BCOR: variants seen among roughly 807,000 people sequenced by gnomAD.
The protein encoded by BCOR is BCL-6 corepressor.
BCOR carries 10 observed loss-of-function variants against 86.7 expected under a neutral mutation model. The observed-to-expected ratio is 0.12, with a 90% CI of 0.07 to 0.20. BCOR has a LOEUF of 0.20. Among genes scored for constraint, BCOR ranks in the 10% least tolerant of loss-of-function variants. The probability of loss-of-function intolerance (pLI) is 1.00; values close to 1 mark genes in which losing one functional copy is unlikely to be tolerated. For missense variants in BCOR, 1,259 were observed against 1,452.1 expected (o/e 0.87, Z 2.16); for synonymous variants, 611 against 609.0 (o/e 1.00, Z -0.05).
chrX:40,063,096 T>TGGCG, intron 8 of BCOR, 25 bp from the exon 9 acceptor site: 1 of 496,345 alleles, frequency 2.0e-6, no homozygotes, highest in Non-Finnish European at 2.6e-6. Flanking sequence ...GGTGACGGGG[T>TGGCG]GGCGGGCGGA....
At chrX:40,124,417 C>T (rs1210340789) in intron 1 of BCOR, among the ~76,000 whole-genome samples, 1 of 109,612 alleles carries the variant, frequency 9.1e-6, no homozygotes, top group African/African-American at 3.3e-5. Flanking sequence ...AGACTACAGG[C>T]ATGCATCACC....
chrX:40,084,517 C>T (rs991168242), intron 1 of BCOR, among the ~76,000 whole-genome samples: 6 of 111,910 alleles, frequency 5.4e-5, no homozygotes, highest in African/African-American at 1.6e-4. Flanking sequence ...CTTCCCTCCA[C>T]GCAAAAAGAA....
intron 1 of BCOR, among the ~76,000 whole-genome samples, chrX:40,124,932 A>T (rs1324476468): frequency 3.6e-4 from 39 of 108,526 alleles, no homozygotes; most frequent in African/African-American, 1.2e-3. Flanking sequence ...TAAGTAAGAC[A>T]TACCCTTAAG....
At chrX:40,128,071 A>C (rs5963745) in intron 1 of BCOR, among the ~76,000 whole-genome samples, 24,025 of 106,532 alleles carry the variant, frequency 0.23, 4,558 homozygotes, top group African/African-American at 0.62. Flanking sequence ...CTAAAAATAC[A>C]AATATTAGCC....
intron 1 of BCOR, among the ~76,000 whole-genome samples, chrX:40,162,812 C>T (rs1164373749): frequency 1.8e-5 from 2 of 112,056 alleles, no homozygotes; most frequent in African/African-American, 6.5e-5. Context: ...GTCTCCTAGT[C>T]GAACCCACAA....
In BCOR at chrX:40,051,904, A is replaced by G. The variant is rs1353096538; in HGVS notation, c.*205T>C. Reference sequence around the variant, plus strand: ...GTGCATTGAAAAGTAAAGAAACATTATAACAACTTCATAAAAACTGACTTA... The same window carrying G: ...GTGCATTGAAAAGTAAAGAAACATTGTAACAACTTCATAAAAACTGACTTA... On this transcript the variant is annotated 3_prime_UTR_variant, in exon 15 of 15. Coordinates refer to ENST00000378444, the MANE Select transcript of BCOR (RefSeq NM_001123385.2). The G allele has an allele frequency of 3.6e-5, 12 of 331,176 alleles. No homozygotes were observed. Among genetic ancestry groups the G allele is most frequent in the Admixed American group, 2.7e-4 (5 of 18,210 alleles). The allele number at this position is 331,176 out of a possible 1,213,427, so 27.3% of individuals were successfully genotyped here.
chrX:40,127,861 AAAATAAATAAATAAATAAATAAAT>A (rs56092715), intron 1 of BCOR, among the ~76,000 whole-genome samples: 46 of 85,923 alleles, frequency 5.4e-4, no homozygotes, highest in African/African-American at 1.8e-3. Flanking sequence ...ACCTTGTCTC[AAAATAAATAAATAAATAAATAAAT>A]AAATAAATAA....
Position 40,073,836 on chromosome X carries a change from T to A in BCOR, c.1510A>T (p.Thr504Ser). Residue 504 changes from threonine (T) to serine (S), a missense_variant, in exon 4 of 15, where the codon ACT (threonine) becomes TCT (serine). By Grantham distance (58) the Thr-to-Ser change is moderately conservative. Coordinates refer to ENST00000378444, the MANE Select transcript of BCOR (RefSeq NM_001123385.2). ...CAIYRSEIIS[T>S]APSSWVVPGP... Reference sequence around the variant, plus strand: ...GGCACCACCCAGGATGAGGGAGCAGTGCTGATGATTTCAGATCTATAGATA... The same window carrying A: ...GGCACCACCCAGGATGAGGGAGCAGAGCTGATGATTTCAGATCTATAGATA... 1 of 1,212,281 alleles carries A rather than the reference T, an allele frequency of 8.2e-7. No individual in the cohort carries two copies. The highest frequency in any genetic ancestry group is 1.8e-5 in the South Asian group (1 of 57,038).
chrX:40,149,437 C>G (rs905758141), intron 1 of BCOR, among the ~76,000 whole-genome samples: 1 of 111,294 alleles, frequency 9.0e-6, no homozygotes, highest in Non-Finnish European at 1.9e-5. Flanking sequence ...AAGACAGGAA[C>G]GGCAAGTTCA....
chrX:40,150,566 T>G (rs1400376496), intron 1 of BCOR, among the ~76,000 whole-genome samples: 1 of 111,902 alleles, frequency 8.9e-6, no homozygotes, highest in Admixed American at 9.5e-5. Flanking sequence ...CTCCACTCTT[T>G]GTTACCTAAC....
chrX:40,175,844 C>G (rs781589278), intron 1 of BCOR, among the ~76,000 whole-genome samples: 1 of 113,110 alleles, frequency 8.8e-6, no homozygotes, highest in African/African-American at 3.2e-5. Context: ...GGGCGGGAAA[C>G]TTTGCAAGAA....
intron 1 of BCOR, among the ~76,000 whole-genome samples, chrX:40,086,602 G>A (rs1936368453): frequency 8.8e-6 from 1 of 113,645 alleles, no homozygotes; most frequent in African/African-American, 3.2e-5. Context: ...CTGGGGATGC[G>A]CTGGCCAGAA....
intron 6 of BCOR, among the ~76,000 whole-genome samples, chrX:40,064,855 C>T (rs1393750838): frequency 8.9e-6 from 1 of 111,746 alleles, no homozygotes; most frequent in Non-Finnish European, 1.9e-5. Flanking sequence ...TCTCCTTCTC[C>T]CTTCTTATGG....
intron 1 of BCOR, among the ~76,000 whole-genome samples, chrX:40,171,839 G>C (rs1345756817): frequency 1.8e-5 from 2 of 113,423 alleles, no homozygotes; most frequent in Non-Finnish European, 3.7e-5. Context: ...GAAGATGGCA[G>C]CGGCTCCCCT....
At chrX:40,053,818 G>T in intron 14 of BCOR, 68 bp downstream of exon 14, 1 of 1,159,069 alleles carries the variant, frequency 8.6e-7, no homozygotes. Context: ...TGCTCAAAGC[G>T]CATTTCTAAC....
At position 40,062,847 on chromosome X, in the gene BCOR, A is replaced by G. The variant is rs758919208; in HGVS notation, c.4072T>C (p.Ser1358Pro). Residue 1358 changes from serine (S) to proline (P), a missense_variant, in exon 9 of 15, where the codon TCC becomes CCC. Around this residue, in one of 7 missense-constraint regions of BCOR, gnomAD observed 305 missense variants for 286.1 expected, o/e 1.07. Transcript: ENST00000378444. Reference protein sequence around the residue: ...QKYTDNSEKPSGKRLCKTKHL... With the variant: ...QKYTDNSEKPPGKRLCKTKHL... ...TTGGTTTTGCACAGTCTCTTCCCGG[A>G]TGGCTTCTCGCTGTTGTCGGTGTAT... 1 of 1,211,442 alleles carries G rather than the reference A, an allele frequency of 8.3e-7. No homozygotes were observed. Among genetic ancestry groups the G allele is most frequent in the South Asian group, 1.8e-5 (1 of 56,864 alleles).
At chrX:40,093,868 A>G in intron 1 of BCOR, among the ~76,000 whole-genome samples, 1 of 110,699 alleles carries the variant, frequency 9.0e-6, no homozygotes, top group Non-Finnish European at 1.9e-5. Flanking sequence ...TGTCTTCCAA[A>G]CTCAGTTTTT....
chrX:40,098,482 G>A (rs1402504716), upstream of BCOR, among the ~76,000 whole-genome samples: 1 of 111,549 alleles, frequency 9.0e-6, no homozygotes, highest in African/African-American at 3.3e-5. Context: ...GGGGCGGCGG[G>A]GGCGGCTCTC....
At chrX:40,075,405 G>A (rs996606374) in intron 3 of BCOR, among the ~76,000 whole-genome samples, 1 of 111,644 alleles carries the variant, frequency 9.0e-6, no homozygotes, top group African/African-American at 3.3e-5. Flanking sequence ...CCTGGAAGCA[G>A]GGAAAACATT....
Sources: gnomAD v4.1 joint callset for allele counts (sites outside exome capture counted in the v4.1 genomes callset) on GRCh38, gnomAD v4.1.1 for gene constraint, gnomAD v4.1.1 regional missense constraint, MANE v1.5 for transcripts, NCBI Gene and HGNC (gene_info 2026-07-23, HGNC 2026-07-21) for gene names.